The following PTPRD variants were observed in gnomAD, a reference collection of about 807,000 sequenced individuals.
PTPRD encodes the protein receptor-type tyrosine-protein phosphatase delta.
A neutral mutation model predicts 214.5 loss-of-function variants in PTPRD; 34 were observed. That is an observed-to-expected ratio of 0.16 (90% CI 0.12 to 0.21). The LOEUF is 0.21. Ranked by LOEUF, PTPRD falls within the 10% of genes least tolerant of loss-of-function variation. PTPRD has a pLI of 1.00. For missense variants in PTPRD, 2,545 were observed against 2,398.7 expected, an observed-to-expected ratio of 1.06 and a Z score of -1.27; for synonymous variants, 1,128 against 845.7, an observed-to-expected ratio of 1.33 and a Z score of -5.79.
intron 5 of PTPRD, among the ~76,000 whole-genome samples, chr9:9,817,214 T>A (rs996955262): frequency 5.3e-5 from 8 of 152,104 alleles, no homozygotes; most frequent in Admixed American, 3.9e-4. Flanking sequence ...AAAATAAATC[T>A]TAAAACTCAT....
At chr9:9,776,999 A>T (rs1565180882) in intron 5 of PTPRD, among the ~76,000 whole-genome samples, 1 of 152,224 alleles carries the variant, frequency 6.6e-6, no homozygotes, top group Admixed American at 6.5e-5. Context: ...TTTAAATTGA[A>T]CATCCATGTG....
intron 8 of PTPRD, among the ~76,000 whole-genome samples, chr9:9,501,509 C>G (rs900072977): frequency 6.6e-6 from 1 of 151,394 alleles, no homozygotes; most frequent in Non-Finnish European, 1.5e-5. Context: ...ACAACTAGCC[C>G]CTCAAAAAAT....
At position 10,147,469 on chromosome 9, in the gene PTPRD, G is replaced by A. The variant is rs144184476; in HGVS notation, c.-544-113679C>T. Among the ~76,000 whole-genome samples the A allele has an allele frequency of 3.4e-3, 512 of 152,196 alleles. 2 individuals carry two copies. The highest frequency in any genetic ancestry group is 0.012 in the African/African-American group (494 of 41,556). On this transcript the variant is annotated intron_variant, in intron 3 of 45. Coordinates refer to ENST00000381196, the MANE Select transcript of PTPRD (RefSeq NM_002839.4). Reference sequence around the variant, plus strand: ...GTATAATTCTAAAAGCCTGAGTTACGTTTTAAAAATGCCTTTGCTTATTAA... The same window carrying A: ...GTATAATTCTAAAAGCCTGAGTTACATTTTAAAAATGCCTTTGCTTATTAA...
At chr9:9,086,449 G>C (rs1591369520) in intron 10 of PTPRD, among the ~76,000 whole-genome samples, 1 of 152,146 alleles carries the variant, frequency 6.6e-6, no homozygotes, top group African/African-American at 2.4e-5. Flanking sequence ...ACTGATTTCT[G>C]TCTCACATCA....
chr9:8,443,208 T>G (rs867167386), intron 34 of PTPRD, among the ~76,000 whole-genome samples: 40 of 152,340 alleles, frequency 2.6e-4, no homozygotes, highest in South Asian at 1.2e-3. Context: ...AATACAGAAT[T>G]TGAACAAGCT....
chr9:10,351,013 CA>C (rs1161382747), intron 2 of PTPRD, among the ~76,000 whole-genome samples: 2 of 151,960 alleles, frequency 1.3e-5, no homozygotes, highest in Admixed American at 6.6e-5. Flanking sequence ...AGCCAAAGGT[CA>C]GTTTTAGGGA....
intron 8 of PTPRD, among the ~76,000 whole-genome samples, chr9:9,533,752 T>C (rs919905995): frequency 6.6e-6 from 1 of 152,058 alleles, no homozygotes; most frequent in African/African-American, 2.4e-5. Context: ...ATGAAGACCA[T>C]TGAGCAAAGG....
intron 2 of PTPRD, among the ~76,000 whole-genome samples, chr9:10,450,632 A>C (rs2098835210): frequency 6.6e-6 from 1 of 152,050 alleles, no homozygotes; most frequent in Admixed American, 6.5e-5. Context: ...TAATATTAAA[A>C]TTTGATCATA....
At chr9:9,101,513 G>C (rs1398380199) in intron 10 of PTPRD, among the ~76,000 whole-genome samples, 1 of 152,172 alleles carries the variant, frequency 6.6e-6, no homozygotes, top group East Asian at 1.9e-4. Flanking sequence ...GCAGAGCAGA[G>C]TGTGATGATA....
At chr9:9,911,322 T>C (rs2079119859) in intron 5 of PTPRD, among the ~76,000 whole-genome samples, 2 of 152,120 alleles carry the variant, frequency 1.3e-5, no homozygotes, top group Admixed American at 6.6e-5. Context: ...TTAGAGTCTC[T>C]GTGTGTGATT....
At chr9:8,359,171 C>A (rs1357619280) in intron 39 of PTPRD, among the ~76,000 whole-genome samples, 3 of 143,908 alleles carry the variant, frequency 2.1e-5, no homozygotes, top group Non-Finnish European at 3.0e-5. Flanking sequence ...TTAGATTCGG[C>A]AGGGATCTTA....
intron 3 of PTPRD, among the ~76,000 whole-genome samples, chr9:10,297,583 T>C (rs1328580812): frequency 2.0e-5 from 2 of 100,778 alleles, no homozygotes; most frequent in Admixed American, 1.2e-4. Context: ...GAGTTGTGTT[T>C]TTTTTTTTTT....
At chr9:10,600,913 G>A (rs913286795) in intron 2 of PTPRD, among the ~76,000 whole-genome samples, 1 of 151,624 alleles carries the variant, frequency 6.6e-6, no homozygotes, top group African/African-American at 2.4e-5. Flanking sequence ...CTCCAACAGA[G>A]AAAAGGCAAT....
At chr9:10,228,998 G>C (rs1407164064) in intron 3 of PTPRD, among the ~76,000 whole-genome samples, 1 of 151,856 alleles carries the variant, frequency 6.6e-6, no homozygotes, top group African/African-American at 2.4e-5. Flanking sequence ...GAAGCACTAA[G>C]ATCAAAGCCT....
intron 4 of PTPRD, among the ~76,000 whole-genome samples, chr9:9,953,202 C>A (rs946204431): frequency 1.3e-5 from 2 of 152,082 alleles, no homozygotes; most frequent in African/African-American, 4.8e-5. Flanking sequence ...TAACATTATC[C>A]TGGATATTTC....
chr9:9,135,983 T>TGA lies in PTPRD; in HGVS notation c.-143+47320_-143+47321insTC, dbSNP rs199665717. ...TTTTCATGTGAAATCATCTTATAAATTATATACATGCACATGTGTTCATGC... is the reference window on the plus strand; with the variant it reads ...TTTTCATGTGAAATCATCTTATAAATGATATATACATGCACATGTGTTCATGC... On this transcript the variant is annotated intron_variant, in intron 10 of 45. Transcript: ENST00000381196. 6.0e-3 allele frequency among the ~76,000 whole-genome samples: 915 copies of TGA among 152,216 alleles called. 10 individuals carry two copies. The highest frequency in any genetic ancestry group is 0.021 in the African/African-American group (876 of 41,538).
At chr9:10,017,722 C>A (rs2096751523) in intron 4 of PTPRD, among the ~76,000 whole-genome samples, 1 of 151,990 alleles carries the variant, frequency 6.6e-6, no homozygotes, top group African/African-American at 2.4e-5. Context: ...GTATTCTGTT[C>A]TTTACTTATT....
At chr9:10,093,054 T>C (rs1590951545) in intron 3 of PTPRD, among the ~76,000 whole-genome samples, 1 of 151,742 alleles carries the variant, frequency 6.6e-6, no homozygotes, top group Non-Finnish European at 1.5e-5. Context: ...AAATAATTTA[T>C]GATCAAGTCC....
intron 9 of PTPRD, among the ~76,000 whole-genome samples, chr9:9,381,308 T>A (rs140079067): frequency 3.9e-5 from 6 of 152,054 alleles, no homozygotes; most frequent in Non-Finnish European, 8.8e-5. Context: ...TAGTTTTAAT[T>A]GTACATTTAT....
Sources: gnomAD v4.1 joint callset for allele counts (sites outside exome capture counted in the v4.1 genomes callset) on GRCh38, gnomAD v4.1.1 for gene constraint, MANE v1.5 for transcripts, NCBI Gene and HGNC (gene_info 2026-07-23, HGNC 2026-07-21) for gene names.